IMMP2L: variants seen among roughly 807,000 people sequenced by gnomAD.
IMMP2L encodes mitochondrial inner membrane protease subunit 2.
Under a neutral mutation model 19.3 loss-of-function variants are expected in IMMP2L, and 18 were observed. The ratio of observed to expected loss-of-function variants is 0.93; its 90% CI spans 0.64 to 1.38. The LOEUF (loss-of-function observed/expected upper bound fraction) is 1.38. IMMP2L is among the 40% of genes most tolerant of loss of function. The pLI is 0.00. For missense variants in IMMP2L, 233 were observed against 218.2 expected (o/e 1.07, Z -0.43); for synonymous variants, 76 against 73.0 (o/e 1.04, Z -0.21).
At chr7:111,537,418 T>C (rs1013448550) in intron 1 of IMMP2L, among the ~76,000 whole-genome samples, 7 of 152,066 alleles carry the variant, frequency 4.6e-5, no homozygotes, top group Admixed American at 1.3e-4. Context: ...TAACTTTCTC[T>C]TACTTTAAAT....
At chr7:110,783,111 A>G (rs1799849455) in intron 5 of IMMP2L, among the ~76,000 whole-genome samples, 1 of 151,832 alleles carries the variant, frequency 6.6e-6, no homozygotes, top group Admixed American at 6.6e-5. Flanking sequence ...TGTTAACAAG[A>G]TTCTTTGTTT....
intron 3 of IMMP2L, among the ~76,000 whole-genome samples, chr7:111,321,548 G>A (rs914152863): frequency 1.3e-5 from 2 of 151,492 alleles, no homozygotes; most frequent in Non-Finnish European, 2.9e-5. Context: ...ATTTATCTTT[G>A]AGGTTGAGAT....
chr7:110,784,945 C>T (rs945308741), intron 5 of IMMP2L, among the ~76,000 whole-genome samples: 19 of 151,904 alleles, frequency 1.3e-4, no homozygotes, highest in East Asian at 9.8e-4. Context: ...TGTTAAATGA[C>T]GTCATTTTAA....
At chr7:111,447,827 G>A (rs1838666771) in intron 3 of IMMP2L, among the ~76,000 whole-genome samples, 1 of 151,682 alleles carries the variant, frequency 6.6e-6, no homozygotes, top group African/African-American at 2.4e-5. Context: ...CACGTGCAGA[G>A]ACACACATAG....
At chr7:110,724,407 A>G (rs766059307) in intron 5 of IMMP2L, 19 of 152,190 alleles carry the variant, frequency 1.2e-4, no homozygotes, top group Non-Finnish European at 2.4e-4. Flanking sequence ...GGTATCTTCA[A>G]TGACATCTTT....
At chr7:110,813,010 A>G (rs1008999786) in intron 5 of IMMP2L, among the ~76,000 whole-genome samples, 10 of 152,052 alleles carry the variant, frequency 6.6e-5, no homozygotes, top group African/African-American at 2.4e-4. Flanking sequence ...CTCCTAGAAG[A>G]CCTGACACAG....
intron 3 of IMMP2L, among the ~76,000 whole-genome samples, chr7:110,979,238 T>A (rs1215953164): frequency 6.6e-6 from 1 of 152,166 alleles, no homozygotes; most frequent in Admixed American, 6.5e-5. Context: ...CTATGTTGTC[T>A]GGCTATCGCT....
rs1307528748 is a variant in IMMP2L, at chr7:111,363,306, A to G, written c.239+123932T>C. Among the ~76,000 whole-genome samples, 3 of 152,138 alleles carry G rather than the reference A, an allele frequency of 2.0e-5. No individual in the cohort carries two copies. In the East Asian group the frequency reaches 5.8e-4, roughly 29 times the overall value. On this transcript the variant is annotated intron_variant, in intron 3 of 5. Coordinates refer to ENST00000405709, the MANE Select transcript of IMMP2L (RefSeq NM_032549.4). ...AATGTGGAATTTGGGGCCCCATTCC[A>G]AACATACTGAATCAGAATCTAATTT...
chr7:111,136,522 A>T (rs1469328688), intron 3 of IMMP2L, among the ~76,000 whole-genome samples: 1 of 152,180 alleles, frequency 6.6e-6, no homozygotes, highest in Non-Finnish European at 1.5e-5. Context: ...TTTGTTCCAT[A>T]CTGAAGAAAC....
chr7:111,276,759 T>C (rs1819117094), intron 3 of IMMP2L, among the ~76,000 whole-genome samples: 1 of 151,692 alleles, frequency 6.6e-6, no homozygotes, highest in African/African-American at 2.4e-5. Context: ...GGACTGATAT[T>C]AAAATAGATA....
intron 3 of IMMP2L, among the ~76,000 whole-genome samples, chr7:111,057,909 A>T (rs963790275): frequency 1.3e-5 from 2 of 152,090 alleles, no homozygotes; most frequent in African/African-American, 4.8e-5. Flanking sequence ...GTATGGATTT[A>T]TATATATATA....
chr7:111,132,574 G>A (rs966259010), intron 3 of IMMP2L, among the ~76,000 whole-genome samples: 1 of 152,046 alleles, frequency 6.6e-6, no homozygotes, highest in Non-Finnish European at 1.5e-5. Flanking sequence ...GTCATTGTGA[G>A]CTGATAATGC....
intron 3 of IMMP2L, among the ~76,000 whole-genome samples, chr7:111,467,128 C>T (rs1361922270): frequency 6.6e-6 from 1 of 152,174 alleles, no homozygotes; most frequent in African/African-American, 2.4e-5. Context: ...GTCAAAAGCA[C>T]AGCCCCTGAG....
chr7:110,809,496 G>T (rs1801876424), intron 5 of IMMP2L, among the ~76,000 whole-genome samples: 1 of 151,776 alleles, frequency 6.6e-6, no homozygotes, highest in Admixed American at 6.6e-5. Flanking sequence ...TGCCAATCCA[G>T]ATTTTTCCTA....
At chr7:111,164,188 G>A (rs1022427508) in intron 3 of IMMP2L, among the ~76,000 whole-genome samples, 3 of 151,650 alleles carry the variant, frequency 2.0e-5, no homozygotes, top group Admixed American at 1.3e-4. Context: ...AGGCAGGAAG[G>A]CAGGCAGGCA....
At chr7:111,124,687 A>T (rs780620458) in intron 3 of IMMP2L, 10 of 1,613,944 alleles carry the variant, frequency 6.2e-6, no homozygotes, top group Middle Eastern at 3.3e-4. Context: ...CCTTCTGGGG[A>T]TTATTGGTGT....
intron 3 of IMMP2L, among the ~76,000 whole-genome samples, chr7:111,478,023 T>C (rs537636729): frequency 1.3e-5 from 2 of 152,296 alleles, no homozygotes; most frequent in South Asian, 4.1e-4. Context: ...TGTCTTTCAT[T>C]GATTTTAGAA....
chr7:111,538,633 TAAAAAAAA>T (rs34613701), intron 1 of IMMP2L, among the ~76,000 whole-genome samples: 3 of 97,226 alleles, frequency 3.1e-5, no homozygotes, highest in African/African-American at 1.3e-4. Context: ...ACCCTGTCTC[TAAAAAAAA>T]AAAAAAAAAA....
intron 4 of IMMP2L, among the ~76,000 whole-genome samples, chr7:110,953,990 C>T (rs1353017267): frequency 6.6e-6 from 1 of 152,074 alleles, no homozygotes; most frequent in Non-Finnish European, 1.5e-5. Flanking sequence ...TGTTCATATC[C>T]TTCGCCCACT....
Sources: allele counts gnomAD v4.1 joint callset (sites outside exome capture counted in the v4.1 genomes callset), GRCh38; gene constraint gnomAD v4.1.1; transcripts MANE v1.5; gene names NCBI Gene and HGNC (gene_info 2026-07-23, HGNC 2026-07-21).